ERC2: variants seen among roughly 807,000 people sequenced by gnomAD.
ERC2 encodes ELKS/RAB6-interacting/CAST family member 2.
In ERC2, 42 loss-of-function variants were observed where a neutral mutation model predicts 114.8. The ratio of observed to expected loss-of-function variants is 0.37; its 90% CI spans 0.29 to 0.47. ERC2 has a LOEUF of 0.47. ERC2 is among the 20% of genes least tolerant of loss of function. The pLI is 0.99. For synonymous variants in ERC2, 454 were observed against 425.5 expected (o/e 1.07, Z -0.82); for missense variants, 939 against 1,150.7 (o/e 0.82, Z 2.66).
chr3:56,149,047 G>A lies in ERC2; in HGVS notation c.1235C>T (p.Thr412Ile), dbSNP rs2081288216. The A allele has an allele frequency of 6.2e-7, 1 of 1,613,252 alleles. No homozygotes were observed. The highest frequency in any genetic ancestry group is 8.5e-7 in the Non-Finnish European group (1 of 1,179,602). Residue 412 changes from threonine to isoleucine, a missense_variant, in exon 5 of 18, where the codon ACT becomes ATT. This residue lies in a region of ERC2 where 148 missense variants were observed against 159.1 expected (regional missense o/e 0.93). Transcript: ENST00000288221. ...QMLKANGVLN[T>I]EDREEEIKQI... The stretch of plus-strand genomic sequence containing the variant: ...TTTGATCTCTTCTTCGCGGTCCTCA[G>A]TGTTCAGCACACCATTGGCTTTTAA...
At position 55,827,945 on chromosome 3, in the gene ERC2, A is replaced by T. The variant is rs538457967; in HGVS notation, c.2564+60444T>A. Among the ~76,000 whole-genome samples, 251 of 152,366 alleles carry T rather than the reference A, an allele frequency of 1.6e-3. 1 individual carries two copies. Among genetic ancestry groups the T allele is most frequent in the African/African-American group, 5.8e-3 (241 of 41,586 alleles). The stretch of plus-strand genomic sequence containing the variant: ...CAGCAACGTTGAGAAGCCAGACAAC[A>T]TCGCCTGTGTTCAGCACGTCCATCG... On this transcript the variant is annotated intron_variant, in intron 14 of 17. Transcript: ENST00000288221.
At position 55,917,846 on chromosome 3, in the gene ERC2, A is replaced by G. The variant is rs2065192292; in HGVS notation, c.2404-29297T>C. 2.0e-5 allele frequency among the ~76,000 whole-genome samples: 3 copies of G among 152,188 alleles called. No individual in the cohort carries two copies. The East Asian group carries it at 5.8e-4, about 29-fold the overall frequency. ...TCTAAATGCTTTGTGGATACCAGTT[A>G]TATCTTTGAGAATGGAGCTAGATGA... On this transcript the variant is annotated intron_variant, in intron 13 of 17. Coordinates refer to ENST00000288221, the MANE Select transcript of ERC2 (RefSeq NM_015576.3).
rs2048896167 is a variant in ERC2 at position 56,208,949 on chromosome 3, G to A, written c.1075-35429C>T. ...AGGCCCAGAAAATGAGAAATGAGGG[G>A]CCTGGTGACTTAGCTGAGCCCCAGA... On this transcript the variant is annotated intron_variant, in intron 3 of 17. Transcript: ENST00000288221. 2.0e-5 allele frequency among the ~76,000 whole-genome samples: 3 copies of A among 152,018 alleles called. No individual in the cohort carries two copies. The South Asian group carries it at 6.2e-4, about 32-fold the overall frequency.
At chr3:56,442,163 G>A (rs766953793) in intron 1 of ERC2, among the ~76,000 whole-genome samples, 1 of 152,082 alleles carries the variant, frequency 6.6e-6, no homozygotes, top group African/African-American at 2.4e-5. Flanking sequence ...AAAAAATCCC[G>A]AATTACGAAA....
At chr3:56,191,878 G>A (rs754302515) in intron 3 of ERC2, among the ~76,000 whole-genome samples, 1 of 151,970 alleles carries the variant, frequency 6.6e-6, no homozygotes, top group African/African-American at 2.4e-5. Flanking sequence ...ACACACACCT[G>A]TGCACAAATG....
At chr3:56,185,239 G>C (rs1196163394) in intron 3 of ERC2, 1 of 152,206 alleles carries the variant, frequency 6.6e-6, no homozygotes, top group Non-Finnish European at 1.5e-5. Context: ...GCAGAGGCAA[G>C]AACCATGGAG....
chr3:55,646,499 C>T (rs1028398597), intron 17 of ERC2, among the ~76,000 whole-genome samples: 1 of 152,166 alleles, frequency 6.6e-6, no homozygotes, highest in African/African-American at 2.4e-5. Context: ...GAATGATTGT[C>T]TTTTTGGGAG....
intron 12 of ERC2, among the ~76,000 whole-genome samples, chr3:55,951,523 G>A (rs1490405835): frequency 1.3e-5 from 2 of 152,280 alleles, no homozygotes; most frequent in African/African-American, 4.8e-5. Flanking sequence ...AGCTTAATGT[G>A]TACTATTGCA....
At chr3:56,340,016 G>A (rs750138223) in intron 2 of ERC2, among the ~76,000 whole-genome samples, 4 of 152,156 alleles carry the variant, frequency 2.6e-5, no homozygotes, top group Non-Finnish European at 5.9e-5. Flanking sequence ...ATTGATAAAA[G>A]TGACATCCTG....
Position 56,137,087 on chromosome 3 carries a change from C to A in ERC2, c.1473+2422G>T, listed in dbSNP as rs377402320. 7.9e-5 allele frequency among the ~76,000 whole-genome samples: 12 copies of A among 152,050 alleles called. No homozygotes were observed. The East Asian group carries it at 1.5e-3, about 20-fold the overall frequency. On this transcript the variant is annotated intron_variant, in intron 6 of 17. Transcript: ENST00000288221. ...ACATTAATTTGAGAGAGGTAAAATA[C>A]AGGGAGGGGAATGAGAAAGGAAAGA... is the stretch of plus-strand genomic sequence containing the variant.
At chr3:55,732,050 C>T (rs928143407) in intron 15 of ERC2, among the ~76,000 whole-genome samples, 1 of 151,978 alleles carries the variant, frequency 6.6e-6, no homozygotes, top group African/African-American at 2.4e-5. Context: ...TATCTAAAGC[C>T]TGAACCCCAT....
At chr3:55,950,034 C>T (rs1163508680) in intron 13 of ERC2, among the ~76,000 whole-genome samples, 1 of 152,208 alleles carries the variant, frequency 6.6e-6, no homozygotes, top group Admixed American at 6.5e-5. Flanking sequence ...TGAATGTATC[C>T]TCACCCAAAT....
chr3:56,240,455 T>C (rs2051252530), intron 3 of ERC2, among the ~76,000 whole-genome samples: 1 of 152,226 alleles, frequency 6.6e-6, no homozygotes, highest in African/African-American at 2.4e-5. Context: ...TCATGTCTAG[T>C]AAGTTGCTGA....
intron 7 of ERC2, among the ~76,000 whole-genome samples, chr3:56,044,807 G>A (rs1032360463): frequency 6.6e-6 from 1 of 151,998 alleles, no homozygotes; most frequent in Non-Finnish European, 1.5e-5. Context: ...CCTAACTCTC[G>A]CTCCCCAAAT....
At chr3:55,511,689 T>C (rs1178077644) in intron 17 of ERC2, among the ~76,000 whole-genome samples, 2 of 152,198 alleles carry the variant, frequency 1.3e-5, no homozygotes, top group Admixed American at 6.5e-5. Flanking sequence ...CTTGATTTTA[T>C]GGAGATTAAA....
At position 56,363,630 on chromosome 3, in the gene ERC2, G is replaced by A. The variant is rs543958106; in HGVS notation, c.658-67195C>T. Among the ~76,000 whole-genome samples, 8 of 152,296 alleles carry A rather than the reference G, an allele frequency of 5.3e-5. No individual in the cohort carries two copies. In the East Asian group the frequency reaches 1.4e-3, roughly 26 times the overall value. The stretch of plus-strand genomic sequence containing the variant: ...AAAAAGGGTGAATACAGAGTGACTT[G>A]TGCTTCACTTTAAATAGAAAAGTAT... On this transcript the variant is annotated intron_variant, in intron 2 of 17. Coordinates refer to ENST00000288221, the MANE Select transcript of ERC2 (RefSeq NM_015576.3).
intron 13 of ERC2, among the ~76,000 whole-genome samples, chr3:55,908,764 C>T (rs2064622277): frequency 6.6e-6 from 1 of 152,116 alleles, no homozygotes; most frequent in African/African-American, 2.4e-5. Context: ...CGTTGGGTTG[C>T]CATATCAGCT....
intron 3 of ERC2, among the ~76,000 whole-genome samples, chr3:56,176,006 A>G (rs2082957167): frequency 6.6e-6 from 1 of 152,198 alleles, no homozygotes; most frequent in African/African-American, 2.4e-5. Context: ...TTCAAATTCC[A>G]CAAAGAAAAA....
At chr3:56,360,000 C>A (rs913554078) in intron 2 of ERC2, among the ~76,000 whole-genome samples, 8 of 151,914 alleles carry the variant, frequency 5.3e-5, no homozygotes, top group African/African-American at 1.9e-4. Context: ...AATATCCAAA[C>A]CATAGCAGCC....
Sources: allele counts gnomAD v4.1 joint callset (sites outside exome capture counted in the v4.1 genomes callset), GRCh38; gene constraint gnomAD v4.1.1; regional missense constraint gnomAD v4.1.1; transcripts MANE v1.5; gene names NCBI Gene and HGNC (gene_info 2026-07-23, HGNC 2026-07-21).